The following MGAM variants were observed in gnomAD, a reference collection of about 807,000 sequenced individuals.
MGAM encodes the protein alpha-1,4-glucosidase.
A neutral mutation model predicts 358.8 loss-of-function variants in MGAM; 253 were observed. The ratio of observed to expected loss-of-function variants is 0.71; its 90% CI spans 0.64 to 0.78. The LOEUF is 0.78. Ranked by LOEUF, MGAM falls within the 30% of genes least tolerant of loss-of-function variation. MGAM has a pLI of 0.00. For synonymous variants in MGAM, 1,105 were observed against 1,227.1 expected, an observed-to-expected ratio of 0.90 and a Z score of 2.08; for missense variants, 3,080 against 3,432.6, an observed-to-expected ratio of 0.90 and a Z score of 2.57.
rs561320018 is a variant in MGAM at position 142,079,139 on chromosome 7, T to C, written c.5847+131T>C. 3.2e-4 allele frequency: 281 copies of C among 888,210 alleles called. 11 individuals carry two copies. The African/African-American group carries it at 4.2e-3, about 13-fold the overall frequency. The allele number at this position is 888,210 out of a possible 1,614,324, so 55.0% of individuals were successfully genotyped here. On this transcript the variant is annotated intron_variant, in intron 49 of 70. Coordinates refer to ENST00000475668, the MANE Select transcript of MGAM (RefSeq NM_001365693.1). ...AGACTATGTCATTATCCAGAGAACA[T>C]TGAGAAATCATTGAGGGAACAATGA... is the stretch of plus-strand genomic sequence containing the variant.
At chr7:142,035,023 C>T (rs1807859459) in intron 16 of MGAM, among the ~76,000 whole-genome samples, 182 bp downstream of exon 16, 1 of 152,134 alleles carries the variant, frequency 6.6e-6, no homozygotes, top group Admixed American at 6.6e-5. Context: ...TCCTGTACTG[C>T]CTTATGAAGA....
Position 142,031,697 on chromosome 7 carries a change from T to A in MGAM, c.1488T>A (p.Thr496=). The A allele has an allele frequency of 6.2e-7, 1 of 1,612,362 alleles. No homozygotes were observed. The highest frequency in any genetic ancestry group is 8.5e-7 in the Non-Finnish European group (1 of 1,178,606). Residue 496 remains threonine (T), a synonymous_variant, in exon 13 of 71, where the codon ACT becomes ACA. Transcript: ENST00000475668. ...TCCTGAAGGTCTGGCCTGGACAAAC[T>A]GTGTTTCCTGATTATACCAATCCCA... ...PLIGEVWPGQ[T]VFPDYTNPNC...
chr7:142,082,430 A>G, intron 51 of MGAM, 45 bp from the exon 52 acceptor site: 6 of 1,392,028 alleles, frequency 4.3e-6, no homozygotes, highest in African/African-American at 1.4e-5. Flanking sequence ...TTTCTCAGGC[A>G]TAATGTCTTT....
In MGAM at chr7:142,027,204, C is replaced by G. The variant is rs372045141; in HGVS notation, c.1072C>G (p.Gln358Glu). Reference sequence around the variant, plus strand: ...TGTGTTCTTGGGAAACACTCCAGAGCAAGTTGTTCAAGAATATCTAGAGGT... The same window carrying G: ...TGTGTTCTTGGGAAACACTCCAGAGGAAGTTGTTCAAGAATATCTAGAGGT... ...FYVFLGNTPE[Q>E]VVQEYLELIG... Residue 358 changes from glutamine (Q) to glutamate (E), a missense_variant, in exon 9 of 71, where the codon CAA becomes GAA. Physicochemically the swap from Gln to Glu is conservative, Grantham distance 29. Transcript: ENST00000475668. 108 of 1,612,054 alleles carry G rather than the reference C, an allele frequency of 6.7e-5. No individual in the cohort carries two copies. Among genetic ancestry groups the G allele is most frequent in the Non-Finnish European group, 8.8e-5 (104 of 1,178,300 alleles).
intron 2 of MGAM, among the ~76,000 whole-genome samples, chr7:141,986,627 C>G (rs961934073): frequency 6.6e-6 from 1 of 152,140 alleles, no homozygotes; most frequent in Non-Finnish European, 1.5e-5. Context: ...ATATACCTAC[C>G]AGTGGCTCAT....
chr7:142,002,700 A>C (rs1468414336), intron 1 of MGAM, among the ~76,000 whole-genome samples: 2 of 152,110 alleles, frequency 1.3e-5, no homozygotes, highest in East Asian at 3.9e-4. Flanking sequence ...GTCACCACTC[A>C]TATTCAATAT....
At chr7:141,998,863 A>G (rs1554449711) in intron 1 of MGAM, among the ~76,000 whole-genome samples, 3 of 151,946 alleles carry the variant, frequency 2.0e-5, no homozygotes, top group African/African-American at 7.3e-5. Flanking sequence ...ACTAATTTAC[A>G]CTCCCAACAG....
At position 142,067,396 on chromosome 7, in the gene MGAM, G is replaced by A; in HGVS notation, c.4975G>A (p.Ala1659Thr). 6.4e-7 allele frequency: 1 copy of A among 1,552,230 alleles called. No homozygotes were observed. Among genetic ancestry groups the A allele is most frequent in the Non-Finnish European group, 8.9e-7 (1 of 1,129,712 alleles). The change falls in exon 42 of 71, where the codon GCC becomes ACC. Residue 1659 changes from alanine to threonine, a missense_variant. Coordinates refer to ENST00000475668, the MANE Select transcript of MGAM (RefSeq NM_001365693.1). ...DIDSQFLLGP[A>T]FLVSPVLERN... ...AGACAGTCAGTTCCTGCTGGGCCCA[G>A]CCTTCCTGGTCAGCCCTGTCCTGGA...
rs774759873 is a variant in MGAM, at chr7:142,083,422, A to T, written c.6381+9A>T. The T allele has an allele frequency of 2.6e-6, 4 of 1,521,714 alleles. No homozygotes were observed. The highest frequency in any genetic ancestry group is 3.6e-6 in the Non-Finnish European group (4 of 1,106,622). The allele number at this position is 1,521,714 out of a possible 1,614,324, so 94.3% of individuals were successfully genotyped here. Reference sequence around the variant, plus strand: ...CCCAGCAGTACACTGAGGTAGGGAGAAATCCAATTGTTTATCAAGTACTTA... The same window carrying T: ...CCCAGCAGTACACTGAGGTAGGGAGTAATCCAATTGTTTATCAAGTACTTA... On this transcript the variant is annotated intron_variant, in intron 53 of 70. Transcript: ENST00000475668.
At chr7:142,021,119 A>C (rs1554458612) in intron 5 of MGAM, 36 bp downstream of exon 5, 2 of 1,477,508 alleles carry the variant, frequency 1.4e-6, no homozygotes, top group Non-Finnish European at 1.9e-6. Context: ...AGTTTTTTTG[A>C]GAGACTTTTA....
intron 21 of MGAM, among the ~76,000 whole-genome samples, chr7:142,041,930 TATATATATTATATATATACATATATATA>T: frequency 4.0e-5 from 1 of 25,008 alleles, no homozygotes; most frequent in Non-Finnish European, 6.1e-5. Flanking sequence ...TAATATATAA[TATATATATTATATATATACATATATATA>T]ATATATATAT....
At chr7:142,099,909 C>T (rs1308076775) in intron 67 of MGAM, among the ~76,000 whole-genome samples, 172 bp downstream of exon 67, 6 of 152,232 alleles carry the variant, frequency 3.9e-5, no homozygotes, top group South Asian at 2.1e-4. Context: ...CTATACTCTT[C>T]GACTAATTAT....
chr7:142,040,011 C>A, intron 19 of MGAM, 104 bp from the exon 20 acceptor site: 1 of 853,394 alleles, frequency 1.2e-6, no homozygotes. Flanking sequence ...GGCATAATAG[C>A]AGGGCATTCC....
At chr7:142,030,567 C>T in intron 11 of MGAM, 74 bp downstream of exon 11, 2 of 1,605,402 alleles carry the variant, frequency 1.2e-6, no homozygotes, top group Non-Finnish European at 8.5e-7. Context: ...CCTGCTTTCT[C>T]CCCCAGTTCC....
Position 142,079,053 on chromosome 7 carries a change from T to G in MGAM, c.5847+45T>G. 2 of 1,445,748 alleles carry G rather than the reference T, an allele frequency of 1.4e-6. 1 individual carries two copies. The highest frequency in any genetic ancestry group is 1.9e-6 in the Non-Finnish European group (2 of 1,043,154). 89.6% of individuals were successfully genotyped at this position (1,445,748 alleles called of 1,614,324 possible). On this transcript the variant is annotated intron_variant, in intron 49 of 70. Coordinates refer to ENST00000475668, the MANE Select transcript of MGAM (RefSeq NM_001365693.1). ...CAGGCAGTGATAAGACCCTTTTCAG[T>G]TCCATTATCTTTTTCTGGTTCAGGT...
At chr7:142,049,600 G>C (rs763088322) in intron 22 of MGAM, among the ~76,000 whole-genome samples, 1 of 152,134 alleles carries the variant, frequency 6.6e-6, no homozygotes, top group Non-Finnish European at 1.5e-5. Context: ...CAACTCAGTA[G>C]CAAAAGATCA....
chr7:141,987,412 G>T (rs1294349032), intron 2 of MGAM, among the ~76,000 whole-genome samples: 2 of 152,148 alleles, frequency 1.3e-5, no homozygotes, highest in Non-Finnish European at 2.9e-5. Context: ...CACAGACATA[G>T]TGCTCACTCA....
chr7:142,080,232 G>T lies in MGAM; in HGVS notation c.5848-559G>T, dbSNP rs76524436. ...GCTCTCCCTTAGCACACATCACCCA[G>T]GTGTTGTGAGCTGCTCTCTTACACT... On this transcript the variant is annotated intron_variant, in intron 49 of 70. Transcript: ENST00000475668. Among the ~76,000 whole-genome samples the T allele has an allele frequency of 8.6e-3, 1,255 of 146,320 alleles. 138 individuals are homozygous for T. The South Asian group carries it at 0.095, about 11-fold the overall frequency.
At chr7:141,990,809 C>T (rs768662957) in intron 2 of MGAM, among the ~76,000 whole-genome samples, 30 of 152,198 alleles carry the variant, frequency 2.0e-4, no homozygotes, top group Non-Finnish European at 3.4e-4. Flanking sequence ...GTGGGTCTGG[C>T]TAATGCTGCT....
Sources: gnomAD v4.1 joint callset for allele counts (sites outside exome capture counted in the v4.1 genomes callset) on GRCh38, gnomAD v4.1.1 for gene constraint, MANE v1.5 for transcripts, NCBI Gene and HGNC (gene_info 2026-07-23, HGNC 2026-07-21) for gene names.